DNAH9: variants seen among roughly 807,000 people sequenced by gnomAD.
DNAH9 encodes the protein dynein axonemal heavy chain 9, also known as DNAH9 variant protein.
Under a neutral mutation model 471.6 loss-of-function variants are expected in DNAH9, and 345 were observed. The observed-to-expected ratio is 0.73, with a 90% CI of 0.67 to 0.80. DNAH9 has a LOEUF of 0.80. DNAH9 is among the 30% of genes least tolerant of loss of function. The probability of loss-of-function intolerance (pLI) is 0.00; values close to 1 mark genes in which losing one functional copy is unlikely to be tolerated. For missense variants in DNAH9, 5,407 were observed against 5,609.2 expected (o/e 0.96, Z 1.15); for synonymous variants, 2,093 against 2,123.6 (o/e 0.99, Z 0.40).
intron 22 of DNAH9, among the ~76,000 whole-genome samples, chr17:11,699,300 C>T (rs1189263969): frequency 2.0e-5 from 3 of 151,828 alleles, no homozygotes; most frequent in Admixed American, 6.6e-5. Flanking sequence ...AGGCCACTGC[C>T]GCCACCACTG....
intron 48 of DNAH9, among the ~76,000 whole-genome samples, chr17:11,824,762 C>G (rs1053305464): frequency 6.6e-6 from 1 of 152,038 alleles, no homozygotes; most frequent in Admixed American, 6.6e-5. Flanking sequence ...TTTATTTTGG[C>G]CTGTTTTTCT....
At chr17:11,704,054 A>T in intron 24 of DNAH9, 149 bp from the exon 25 acceptor site, 1 of 874,596 alleles carries the variant, frequency 1.1e-6, no homozygotes, top group Non-Finnish European at 1.8e-6. Flanking sequence ...TTTAGAGCAT[A>T]TGGTTCACTT....
chr17:11,915,962 A>G (rs1382949674), intron 61 of DNAH9, among the ~76,000 whole-genome samples: 3 of 152,238 alleles, frequency 2.0e-5, no homozygotes, highest in African/African-American at 2.4e-5. Context: ...GCCTAATAGC[A>G]TAACTAGCAC....
chr17:11,742,406 C>A, intron 30 of DNAH9, 93 bp downstream of exon 30: 3 of 1,279,090 alleles, frequency 2.3e-6, no homozygotes, highest in South Asian at 1.4e-5. Context: ...AAAACATACT[C>A]AAGCTTTCTC....
intron 1 of DNAH9, among the ~76,000 whole-genome samples, chr17:11,603,418 G>A (rs906130125): frequency 1.7e-4 from 26 of 152,196 alleles, no homozygotes; most frequent in African/African-American, 6.3e-4. Context: ...ACAAGTCCAC[G>A]AACTCTTATG....
rs1486579015 is a variant in DNAH9 at position 11,711,960 on chromosome 17, ATATATATATTTG to A, written c.5552+6787_5552+6798del. On this transcript the variant is annotated intron_variant, in intron 26 of 68. Coordinates refer to ENST00000262442, the MANE Select transcript of DNAH9 (RefSeq NM_001372.4). Reference sequence around the variant, plus strand: ...TATTTGTATATATATTTATATATAAATATATATATTTGTATATATATTTATATATAAATATAT... The same window carrying A: ...TATTTGTATATATATTTATATATAAATATATATATTTATATATAAATATAT... Among the ~76,000 whole-genome samples the A allele has an allele frequency of 3.0e-3, 35 of 11,634 alleles. 11 individuals are homozygous for A. The highest frequency in any genetic ancestry group is 7.7e-3 in the Non-Finnish European group (21 of 2,740). 7.6% of individuals were successfully genotyped at this position (11,634 alleles called of 152,430 possible).
At chr17:11,883,863 G>A in intron 56 of DNAH9, 113 bp downstream of exon 56, 1 of 1,203,262 alleles carries the variant, frequency 8.3e-7, no homozygotes, top group South Asian at 1.6e-5. Context: ...AGTAACACAT[G>A]GCTTTTCTGT....
At chr17:11,939,881 T>G (rs571326019) in intron 66 of DNAH9, among the ~76,000 whole-genome samples, 1 of 151,590 alleles carries the variant, frequency 6.6e-6, no homozygotes, top group East Asian at 1.9e-4. Context: ...AGATAATTGA[T>G]GGATGAATGG....
chr17:11,610,680 G>C, intron 3 of DNAH9, 126 bp downstream of exon 3: 1 of 813,280 alleles, frequency 1.2e-6, no homozygotes, highest in South Asian at 1.9e-5. Context: ...CATCATCAGT[G>C]GGGTAGACAG....
chr17:11,772,747 C>CTG (rs1353058306), intron 38 of DNAH9, among the ~76,000 whole-genome samples: 2 of 152,180 alleles, frequency 1.3e-5, no homozygotes, highest in Non-Finnish European at 2.9e-5. Context: ...GCCAACCCTC[C>CTG]TAGCACACTA....
At chr17:11,812,487 A>G (rs1428597315) in intron 45 of DNAH9, among the ~76,000 whole-genome samples, 1 of 152,090 alleles carries the variant, frequency 6.6e-6, no homozygotes, top group African/African-American at 2.4e-5. Context: ...TGGCTTTGGA[A>G]TCATTGTCTG....
intron 39 of DNAH9, among the ~76,000 whole-genome samples, chr17:11,782,203 G>C (rs149838635): frequency 6.8e-4 from 103 of 152,274 alleles, no homozygotes; most frequent in African/African-American, 2.4e-3. Context: ...ACTGACATCT[G>C]AGCAGCTTAA....
chr17:11,788,592 T>C (rs1186471456), intron 41 of DNAH9, among the ~76,000 whole-genome samples: 1 of 152,242 alleles, frequency 6.6e-6, no homozygotes, highest in Non-Finnish European at 1.5e-5. Flanking sequence ...TTTTGAACTT[T>C]ATATAAATAG....
intron 49 of DNAH9, among the ~76,000 whole-genome samples, chr17:11,851,319 T>C (rs925355698): frequency 6.6e-6 from 1 of 152,174 alleles, no homozygotes; most frequent in Non-Finnish European, 1.5e-5. Flanking sequence ...GTTTTCACCA[T>C]GTTGGCCAGG....
At chr17:11,843,827 A>G (rs1971109292) in intron 49 of DNAH9, among the ~76,000 whole-genome samples, 1 of 127,370 alleles carries the variant, frequency 7.9e-6, no homozygotes, top group African/African-American at 2.8e-5. Flanking sequence ...TTGTATATAT[A>G]CATGTATATG....
At chr17:11,721,682 A>G (rs777576791) in intron 27 of DNAH9, among the ~76,000 whole-genome samples, 2 of 152,108 alleles carry the variant, frequency 1.3e-5, no homozygotes, top group Non-Finnish European at 2.9e-5. Context: ...TAGATAAATG[A>G]TAGATGAATG....
chr17:11,639,060 C>T (rs8066802), intron 9 of DNAH9, among the ~76,000 whole-genome samples: 6,509 of 152,284 alleles, frequency 0.043, 422 homozygotes, highest in African/African-American at 0.14. Flanking sequence ...TAAGGCCTCA[C>T]CTGATTAGGT....
At chr17:11,655,268 C>T (rs991218563) in intron 14 of DNAH9, among the ~76,000 whole-genome samples, 13 of 151,846 alleles carry the variant, frequency 8.6e-5, no homozygotes, top group South Asian at 4.2e-4. Context: ...AGTTACTTCA[C>T]TTAGAATAAT....
At chr17:11,632,447 T>A (rs1232259707) in intron 7 of DNAH9, 140 bp from the exon 8 acceptor site, 1 of 596,434 alleles carries the variant, frequency 1.7e-6, no homozygotes, top group African/African-American at 1.8e-5. Context: ...AAAAATTAAG[T>A]CATGCCATGG....
Sources: gnomAD v4.1 joint callset for allele counts (sites outside exome capture counted in the v4.1 genomes callset) on GRCh38, gnomAD v4.1.1 for gene constraint, MANE v1.5 for transcripts, NCBI Gene and HGNC (gene_info 2026-07-23, HGNC 2026-07-21) for gene names.